The following AMT variants were observed in gnomAD, a reference collection of about 807,000 sequenced individuals.
AMT encodes aminomethyltransferase, mitochondrial.
In AMT, 24 loss-of-function variants were observed where a neutral mutation model predicts 39.5. The observed-to-expected ratio is 0.61, with a 90% CI of 0.44 to 0.86. AMT has a LOEUF of 0.86. AMT is among the 40% of genes least tolerant of loss of function. The pLI is 0.00. For missense variants in AMT, 501 were observed against 537.0 expected (o/e 0.93, Z 0.66); for synonymous variants, 210 against 212.1 (o/e 0.99, Z 0.09).
chr3:49,420,003 G>A (rs947484377), intron 4 of AMT: 6 of 805,248 alleles, frequency 7.5e-6, no homozygotes, highest in Non-Finnish European at 1.2e-5. Context: ...CACCAGAGGG[G>A]CCAAGACCCC....
At chr3:49,420,168 T>C in intron 4 of AMT, 43 bp downstream of exon 4, 1 of 1,613,772 alleles carries the variant, frequency 6.2e-7, no homozygotes, top group East Asian at 2.2e-5. Context: ...TACTGCTCTA[T>C]GAACAAGGAA....
rs748522054 is a variant in AMT, at chr3:49,421,574, T to A, written c.259-2A>T. ...CCGGTCACTACCAAGTATCTTGGTC[T>A]GGGGAAGAGATTGAAAGCCTCAGGC... On this transcript the variant is annotated splice_acceptor_variant, in intron 2 of 8. Transcript: ENST00000273588. LOFTEE classifies it high-confidence loss of function. 4 of 1,613,592 alleles carry A rather than the reference T, an allele frequency of 2.5e-6. No individual in the cohort carries two copies. In the South Asian group the frequency reaches 4.4e-5, roughly 18 times the overall value.
At chr3:49,419,555 G>A (rs1575305579) in intron 5 of AMT, 150 bp from the exon 6 acceptor site, 2 of 1,457,906 alleles carry the variant, frequency 1.4e-6, no homozygotes, top group Non-Finnish European at 1.9e-6. Flanking sequence ...ATGGAGCCTT[G>A]TGGTAGGTAG....
intron 5 of AMT, 55 bp from the exon 6 acceptor site, chr3:49,419,460 G>A (rs1395674915): frequency 1.9e-6 from 3 of 1,598,592 alleles, no homozygotes; most frequent in Non-Finnish European, 2.6e-6. Context: ...CCTCAAAGCT[G>A]GACTAAAGCC....
intron 3 of AMT, chr3:49,420,623 T>G (rs1035795340): frequency 4.5e-6 from 2 of 449,202 alleles, no homozygotes; most frequent in African/African-American, 2.0e-5. Flanking sequence ...TGACACTTAA[T>G]CTATGACACC....
In AMT at chr3:49,419,124, G is replaced by T; in HGVS notation, c.724C>A (p.His242Asn). 6.2e-7 allele frequency: 1 copy of T among 1,613,898 alleles called. No homozygotes were observed. Among genetic ancestry groups the T allele is most frequent in the South Asian group, 1.1e-5 (1 of 91,038 alleles). The stretch of plus-strand genomic sequence containing the variant: ...TTTTTCAGAATAGCTGTTGCCAGGT[G>T]AACTGCCCCCGCTACCGGCACCGAG... ...EISVPVAGAV[H>N]LATAILKNPE... The change falls in exon 7 of 9, where the codon CAC (histidine) becomes AAC (asparagine). Residue 242 changes from histidine to asparagine, a missense_variant. Transcript: ENST00000273588.
rs775019756 is a variant in AMT, at chr3:49,419,414, A to G, written c.551-9T>C. 1.9e-6 allele frequency: 3 copies of G among 1,613,138 alleles called. No individual in the cohort carries two copies. Among genetic ancestry groups the G allele is most frequent in the Non-Finnish European group, 1.7e-6 (2 of 1,179,730 alleles). The stretch of plus-strand genomic sequence containing the variant: ...CTGGGCTGCAGTGGGGCCTGGGCCC[A>G]GGGAGCCAGTGACCAAGTATCCAGG... On this transcript the variant is annotated splice_polypyrimidine_tract_variant and intron_variant, in intron 5 of 8. Transcript: ENST00000273588.
Position 49,419,085 on chromosome 3 carries a change from G to C in AMT, c.763C>G (p.Leu255Val). 1 of 1,614,026 alleles carries C rather than the reference G, an allele frequency of 6.2e-7. No individual in the cohort carries two copies. Among genetic ancestry groups the C allele is most frequent in the Non-Finnish European group, 8.5e-7 (1 of 1,180,020 alleles). ...CTGTCCCTGGCTGCCAGCCCTGCCA[G>C]CTTCACCTCTGGGTTTTTCAGAATA... is the stretch of plus-strand genomic sequence containing the variant. ...TAILKNPEVK[L>V]AGLAARDSLR... The change falls in exon 7 of 9, where the codon CTG becomes GTG. Residue 255 changes from leucine (L) to valine (V), a missense_variant. Transcript: ENST00000273588.
Position 49,417,192 on chromosome 3 carries a change from C to G in AMT, c.*348G>C. The stretch of plus-strand genomic sequence containing the variant: ...TGAGGTAGGTTGGGCAGGTTTTATC[C>G]TCTCCACAAAGGTGAGCCTTTGCTC... On this transcript the variant is annotated 3_prime_UTR_variant, in exon 9 of 9. Transcript: ENST00000273588. 1 of 1,385,672 alleles carries G rather than the reference C, an allele frequency of 7.2e-7. No homozygotes were observed. Among genetic ancestry groups the G allele is most frequent in the Non-Finnish European group, 1.0e-6 (1 of 997,740 alleles). 85.8% of individuals were successfully genotyped at this position (1,385,672 alleles called of 1,614,324 possible). A position where few individuals can be genotyped will look rare whatever the true frequency, so the allele number is the denominator to read the frequency against.
chr3:49,418,087 G>A (rs2107929618), intron 7 of AMT, 114 bp from the exon 8 acceptor site: 2 of 1,334,400 alleles, frequency 1.5e-6, no homozygotes, highest in East Asian at 5.0e-5. Flanking sequence ...CTTTGCTTGG[G>A]CTACTCCAGG....
intron 5 of AMT, 108 bp downstream of exon 5, chr3:49,419,602 A>G (rs1000277859): frequency 2.1e-6 from 3 of 1,440,834 alleles, no homozygotes; most frequent in Non-Finnish European, 2.9e-6. Flanking sequence ...ATTATGGCAC[A>G]CAAATATCAC....
intron 3 of AMT, chr3:49,420,785 TG>T: frequency 4.2e-6 from 1 of 236,392 alleles, no homozygotes; most frequent in Admixed American, 5.1e-5. Flanking sequence ...GCCTCCCCAC[TG>T]GATGGACAAA....
In AMT at chr3:49,417,640, C is replaced by G; in HGVS notation, c.1112G>C (p.Arg371Pro). 1.2e-6 allele frequency: 2 copies of G among 1,614,160 alleles called. No individual in the cohort carries two copies. The highest frequency in any genetic ancestry group is 1.7e-6 in the Non-Finnish European group (2 of 1,180,038). ...AMGYVPCEYS[R>P]PGTMLLVEVR... ...CTCTACCAGCAGCATTGTCCCTGGACGACTGTACTCGCAGGGCACATAACC... is the reference window on the plus strand; with the variant it reads ...CTCTACCAGCAGCATTGTCCCTGGAGGACTGTACTCGCAGGGCACATAACC... Residue 371 changes from arginine to proline, a missense_variant, in exon 9 of 9, where the codon CGT (arginine) becomes CCT (proline). Arg to Pro is a moderately radical substitution (Grantham distance 103, BLOSUM62 -2). Transcript: ENST00000273588.
In AMT at chr3:49,417,408, G is replaced by C. The variant is rs766733063; in HGVS notation, c.*132C>G. 6.2e-6 allele frequency: 10 copies of C among 1,609,152 alleles called. No homozygotes were observed. The highest frequency in any genetic ancestry group is 4.2e-6 in the Non-Finnish European group (5 of 1,179,394). On this transcript the variant is annotated 3_prime_UTR_variant, in exon 9 of 9. Coordinates refer to ENST00000273588, the MANE Select transcript of AMT (RefSeq NM_000481.4). ...TTAGGTGGGGGGAATAGGTGGTGTG[G>C]CCCCTCAACCAGACAATTAGAATCA...
intron 4 of AMT, 88 bp downstream of exon 4, chr3:49,420,123 C>T: frequency 6.4e-7 from 1 of 1,573,800 alleles, no homozygotes; most frequent in Non-Finnish European, 8.7e-7. Flanking sequence ...TTCCAGGTCC[C>T]TTGTCTGTGC....
chr3:49,418,983 T>G lies in AMT; in HGVS notation c.865A>C (p.Ser289Arg). 1 of 1,613,878 alleles carries G rather than the reference T, an allele frequency of 6.2e-7. No individual in the cohort carries two copies. The highest frequency in any genetic ancestry group is 1.6e-4 in the Middle Eastern group (1 of 6,062). ...EHTTPVEGSL[S>R]WTLGKRRRAA... is the part of the protein sequence containing the mutation. ...TGGCCCAGCTCACCCAGTGTCCAAC[T>G]GAGGCTGCCCTCCACAGGTGTAGTG... Residue 289 changes from serine (S) to arginine (R), a missense_variant, in exon 7 of 9, where the codon AGT becomes CGT. Transcript: ENST00000273588.
intron 3 of AMT, chr3:49,421,061 C>T (rs1279009027): frequency 1.5e-5 from 4 of 275,484 alleles, no homozygotes; most frequent in African/African-American, 2.2e-5. Context: ...CGCGCCACCA[C>T]GCCCGGCTAA....
chr3:49,418,903 G>A, intron 7 of AMT, 68 bp downstream of exon 7: 2 of 1,537,438 alleles, frequency 1.3e-6, no homozygotes, highest in Non-Finnish European at 1.8e-6. Flanking sequence ...TGAGTCATGG[G>A]CTGGCTAGTC....
Position 49,417,678 on chromosome 3 carries a change from C to A in AMT, c.1074G>T (p.Lys358Asn). 1 of 1,614,132 alleles carries A rather than the reference C, an allele frequency of 6.2e-7. No individual in the cohort carries two copies. ...TSGCPSPSLK[K>N]NVAMGYVPCE... is the part of the protein sequence containing the mutation. Reference sequence around the variant, plus strand: ...AGGGCACATAACCCATCGCCACATTCTTCTTCAGAGAGGGGGAGGGGCAGC... The same window carrying A: ...AGGGCACATAACCCATCGCCACATTATTCTTCAGAGAGGGGGAGGGGCAGC... The change falls in exon 9 of 9, where the codon AAG becomes AAT. Residue 358 changes from lysine to asparagine, a missense_variant. Physicochemically the swap from Lys to Asn is moderately conservative, Grantham distance 94 (BLOSUM62 0). Transcript: ENST00000273588.
Sources: allele counts gnomAD v4.1 joint callset, GRCh38; gene constraint gnomAD v4.1.1; transcripts MANE v1.5; gene names NCBI Gene and HGNC (gene_info 2026-07-23, HGNC 2026-07-21).